TMCC1: variants seen among roughly 807,000 people sequenced by gnomAD.
TMCC1 encodes the protein transmembrane and coiled-coil domains protein 1.
In TMCC1, 15 loss-of-function variants were observed where a neutral mutation model predicts 52.4. The observed-to-expected ratio is 0.29, with a 90% confidence interval of 0.19 to 0.44. The LOEUF (loss-of-function observed/expected upper bound fraction) is 0.44, where lower values mean the gene tolerates loss of function less well. Among genes scored for constraint, TMCC1 ranks in the 20% least tolerant of loss-of-function variants. The pLI, the probability that TMCC1 is intolerant of heterozygous loss-of-function variation, is 1.00. For synonymous variants in TMCC1, 279 were observed against 301.9 expected (o/e 0.92, Z 0.79); for missense variants, 503 against 806.0 (o/e 0.62, Z 4.55).
intron 2 of TMCC1, chr3:129,847,537 A>G (rs1240970069): frequency 1.3e-5 from 2 of 152,212 alleles, no homozygotes. Context: ...GTAGTATTCC[A>G]TTGTATAAAT....
At chr3:129,832,409 A>G (rs1294029926) in intron 3 of TMCC1, among the ~76,000 whole-genome samples, 1 of 152,186 alleles carries the variant, frequency 6.6e-6, no homozygotes, top group Non-Finnish European at 1.5e-5. Context: ...GGGGACAAAA[A>G]ACGCAGCCAC....
At chr3:129,863,285 T>C (rs2060476064) in intron 2 of TMCC1, among the ~76,000 whole-genome samples, 1 of 152,212 alleles carries the variant, frequency 6.6e-6, no homozygotes, top group Non-Finnish European at 1.5e-5. Flanking sequence ...ATTTTTTAAG[T>C]GTTCCAACAA....
chr3:129,869,390 C>G (rs1460857314), intron 2 of TMCC1, among the ~76,000 whole-genome samples: 2 of 152,070 alleles, frequency 1.3e-5, no homozygotes, highest in African/African-American at 4.8e-5. Context: ...AAGTGTTTTC[C>G]TGAGTTCTAT....
In TMCC1 at chr3:129,828,548, A is replaced by G; in HGVS notation, c.-130-40T>C. ...AAAAAAACAAAAAAACAAAAAAAAA[A>G]CCTTATATTATAAATCCATGCAGAA... On this transcript the variant is annotated intron_variant, in intron 3 of 6. Transcript: ENST00000393238. The surrounding 1 kb of genome is among the most constrained non-coding windows in gnomAD (Gnocchi z 4.1). 5 of 612,116 alleles carry G rather than the reference A, an allele frequency of 8.2e-6. No individual in the cohort carries two copies. The South Asian group carries it at 1.3e-4, about 16-fold the overall frequency. The allele number at this position is 612,116 out of a possible 1,614,324, so 37.9% of individuals were successfully genotyped here.
intron 2 of TMCC1, among the ~76,000 whole-genome samples, chr3:129,845,236 C>T (rs1441376621): frequency 1.3e-5 from 2 of 151,790 alleles, no homozygotes; most frequent in African/African-American, 4.8e-5. Context: ...AGAACTACTT[C>T]CATAATGGGC....
Position 129,662,074 on chromosome 3 carries a change from T to C in TMCC1, c.1512-6971A>G, listed in dbSNP as rs541893061. Among the ~76,000 whole-genome samples, 3 of 152,260 alleles carry C rather than the reference T, an allele frequency of 2.0e-5. No individual in the cohort carries two copies. The South Asian group carries it at 6.2e-4, about 32-fold the overall frequency. On this transcript the variant is annotated intron_variant, in intron 5 of 6. Transcript: ENST00000393238. ...GATACATGTTTTATAGACTTTCATA[T>C]GTGAAAGTCTTGGGTTTTTTTTAAA... is the stretch of plus-strand genomic sequence containing the variant.
At chr3:129,702,382 A>T (rs1401346142) in intron 4 of TMCC1, among the ~76,000 whole-genome samples, 1 of 152,114 alleles carries the variant, frequency 6.6e-6, no homozygotes, top group Non-Finnish European at 1.5e-5. Context: ...GTGAGGCCAT[A>T]CCTTCAATCT....
Position 129,650,495 on chromosome 3 carries a change from CTT to C in TMCC1, c.*984_*985del, listed in dbSNP as rs1002403663. ...AGGGCAGCATTTACAGCAAGACTTT[CTT>C]ACTCAAACTGTTTCAAGACAAGAGG... On this transcript the variant is annotated 3_prime_UTR_variant, in exon 7 of 7. Transcript: ENST00000393238. The C allele has an allele frequency of 1.3e-5, 2 of 152,504 alleles. No individual in the cohort carries two copies. The highest frequency in any genetic ancestry group is 4.8e-5 in the African/African-American group (2 of 41,386). The allele number at this position is 152,504 out of a possible 1,614,324, so 9.4% of individuals were successfully genotyped here.
rs551258881 is a variant in TMCC1 at position 129,687,439 on chromosome 3, A to T, written c.577-16175T>A. On this transcript the variant is annotated intron_variant, in intron 4 of 6. Coordinates refer to ENST00000393238, the MANE Select transcript of TMCC1 (RefSeq NM_001017395.5). ...AGAAGCAAGACTCCAAAATCTGCTA[A>T]AAGTAAAACATACATTTTAAAGAGA... is the stretch of plus-strand genomic sequence containing the variant. 2.0e-5 allele frequency among the ~76,000 whole-genome samples: 3 copies of T among 152,350 alleles called. No individual in the cohort carries two copies. In the East Asian group the frequency reaches 5.8e-4, roughly 29 times the overall value.
At chr3:129,743,557 A>T (rs2051650641) in intron 4 of TMCC1, among the ~76,000 whole-genome samples, 1 of 152,196 alleles carries the variant, frequency 6.6e-6, no homozygotes, top group South Asian at 2.1e-4. Context: ...GGGTTGTAGT[A>T]ACATTATACA....
At chr3:129,698,956 C>T (rs1311754340) in intron 4 of TMCC1, among the ~76,000 whole-genome samples, 1 of 152,056 alleles carries the variant, frequency 6.6e-6, no homozygotes, top group Non-Finnish European at 1.5e-5. Flanking sequence ...GTAGCAAAGT[C>T]AAGTTAGGAC....
intron 4 of TMCC1, among the ~76,000 whole-genome samples, chr3:129,803,796 ATGTGTGATTATACAT>A (rs1025531311): frequency 1.6e-4 from 24 of 152,086 alleles, no homozygotes; most frequent in Non-Finnish European, 2.8e-4. Context: ...TAATCACACA[ATGTGTGATTATACAT>A]TGTGTGTAAT....
chr3:129,721,704 C>CAAAA (rs765601986), intron 4 of TMCC1, among the ~76,000 whole-genome samples: 532 of 76,032 alleles, frequency 7.0e-3, no homozygotes, highest in African/African-American at 0.022. Flanking sequence ...ACTAAAAATA[C>CAAAA]AAAAAAAAAA....
At chr3:129,688,173 T>C in intron 4 of TMCC1, 6 of 985,430 alleles carry the variant, frequency 6.1e-6, no homozygotes, top group Non-Finnish European at 7.2e-6. Flanking sequence ...CACATTTATC[T>C]TACCAAAACC....
intron 4 of TMCC1, among the ~76,000 whole-genome samples, chr3:129,674,292 A>G (rs960610075): frequency 6.6e-6 from 1 of 152,190 alleles, no homozygotes; most frequent in Non-Finnish European, 1.5e-5. Context: ...TTGGAGCCAT[A>G]GTGTGTCCTG....
chr3:129,841,542 C>T (rs2059423414), intron 2 of TMCC1, among the ~76,000 whole-genome samples: 2 of 152,174 alleles, frequency 1.3e-5, no homozygotes, highest in African/African-American at 4.8e-5. Context: ...AAGATCGTGT[C>T]ATTGCACTCC....
chr3:129,761,840 A>G (rs778355913), intron 4 of TMCC1, among the ~76,000 whole-genome samples: 8 of 151,838 alleles, frequency 5.3e-5, no homozygotes, highest in Non-Finnish European at 1.0e-4. Flanking sequence ...AAAATACAAA[A>G]ATTAGCTAGG....
intron 6 of TMCC1, among the ~76,000 whole-genome samples, chr3:129,652,057 C>T (rs2086364136): frequency 6.6e-6 from 1 of 152,212 alleles, no homozygotes; most frequent in Non-Finnish European, 1.5e-5. Flanking sequence ...TAGTCTAGAA[C>T]ATTTTAATGA....
intron 4 of TMCC1, among the ~76,000 whole-genome samples, chr3:129,701,381 A>G (rs1195212189): frequency 6.6e-6 from 1 of 152,200 alleles, no homozygotes; most frequent in African/African-American, 2.4e-5. Context: ...CCCTAATTGC[A>G]TTAACCTCCT....
Sources: allele counts gnomAD v4.1 joint callset (sites outside exome capture counted in the v4.1 genomes callset), GRCh38; gene constraint gnomAD v4.1.1; non-coding constraint Gnocchi (gnomAD v3.1); transcripts MANE v1.5; gene names NCBI Gene and HGNC (gene_info 2026-07-23, HGNC 2026-07-21).